EEFSEC: variants seen among roughly 807,000 people sequenced by gnomAD.
EEFSEC encodes eukaryotic elongation factor, selenocysteine-tRNA specific.
EEFSEC carries 43 observed loss-of-function variants against 42.1 expected under a neutral mutation model. That is an observed-to-expected ratio of 1.02 (90% CI 0.80 to 1.32). The LOEUF (loss-of-function observed/expected upper bound fraction) is 1.32. EEFSEC is among the 40% of genes most tolerant of loss of function. EEFSEC has a pLI of 0.00. For synonymous variants in EEFSEC, 354 were observed against 339.1 expected (o/e 1.04, Z -0.48); for missense variants, 745 against 803.6 (o/e 0.93, Z 0.88).
chr3:128,298,221 G>A (rs114075887), intron 4 of EEFSEC, among the ~76,000 whole-genome samples: 1,708 of 152,170 alleles, frequency 0.011, 23 homozygotes, highest in African/African-American at 0.039. Flanking sequence ...ATACAGTGGC[G>A]CCATCAGCCT....
chr3:128,383,745 G>A (rs1164685249), intron 6 of EEFSEC, among the ~76,000 whole-genome samples: 1 of 152,254 alleles, frequency 6.6e-6, no homozygotes, highest in Non-Finnish European at 1.5e-5. Context: ...ATAGGGCTGG[G>A]ACAGGAGGGG....
intron 6 of EEFSEC, among the ~76,000 whole-genome samples, chr3:128,365,740 A>G (rs1238462213): frequency 1.3e-5 from 2 of 152,116 alleles, no homozygotes; most frequent in African/African-American, 4.8e-5. Flanking sequence ...TTCACAGGAG[A>G]TTAACCAGCC....
intron 2 of EEFSEC, among the ~76,000 whole-genome samples, chr3:128,255,704 GAGA>G (rs2066234892): frequency 6.6e-6 from 1 of 152,220 alleles, no homozygotes; most frequent in Admixed American, 6.5e-5. Context: ...TTTGAAATAT[GAGA>G]AGAAGGAGAA....
the EEFSEC span, among the ~76,000 whole-genome samples, chr3:128,423,088 G>A: frequency 6.6e-6 from 1 of 152,184 alleles, no homozygotes; most frequent in Non-Finnish European, 1.5e-5. Context: ...ATTAATATTA[G>A]GACCACCTTC....
At chr3:128,166,913 C>G (rs2065247180) in intron 1 of EEFSEC, among the ~76,000 whole-genome samples, 1 of 152,130 alleles carries the variant, frequency 6.6e-6, no homozygotes, top group African/African-American at 2.4e-5. Context: ...CAACCCCCCG[C>G]AGAAGGTATA....
At chr3:128,324,352 T>C (rs1340809618) in intron 4 of EEFSEC, among the ~76,000 whole-genome samples, 1 of 152,154 alleles carries the variant, frequency 6.6e-6, no homozygotes, top group Non-Finnish European at 1.5e-5. Flanking sequence ...AGGGATTTAT[T>C]CTCCTCTGCC....
intron 6 of EEFSEC, among the ~76,000 whole-genome samples, chr3:128,394,813 G>A (rs994898990): frequency 3.3e-5 from 5 of 152,206 alleles, no homozygotes; most frequent in African/African-American, 9.7e-5. Flanking sequence ...GCAGGCTGGG[G>A]TGAGTCCTAG....
intron 4 of EEFSEC, among the ~76,000 whole-genome samples, chr3:128,287,696 A>G (rs969500342): frequency 6.6e-6 from 1 of 152,240 alleles, no homozygotes; most frequent in East Asian, 1.9e-4. Flanking sequence ...TTGGGTTACC[A>G]TCAGTTGGGG....
chr3:128,363,978 G>A (rs897697249), intron 6 of EEFSEC, among the ~76,000 whole-genome samples: 4 of 152,070 alleles, frequency 2.6e-5, no homozygotes, highest in Non-Finnish European at 5.9e-5. Context: ...AACAGAGCTT[G>A]GGGGAGGGCT....
chr3:128,337,498 G>A (rs1559927058), intron 4 of EEFSEC, among the ~76,000 whole-genome samples: 1 of 152,228 alleles, frequency 6.6e-6, no homozygotes, highest in African/African-American at 2.4e-5. Flanking sequence ...CTCTCTCACA[G>A]GAAGGCTCAT....
chr3:128,302,166 CGG>C (rs926801148), intron 4 of EEFSEC, among the ~76,000 whole-genome samples: 1 of 152,022 alleles, frequency 6.6e-6, no homozygotes, highest in Non-Finnish European at 1.5e-5. Context: ...CAAAGGCAGT[CGG>C]GGGTATGGGG....
At chr3:128,209,737 T>A (rs1318437833) in intron 1 of EEFSEC, among the ~76,000 whole-genome samples, 1 of 152,230 alleles carries the variant, frequency 6.6e-6, no homozygotes, top group Non-Finnish European at 1.5e-5. Context: ...ACCAAACAGT[T>A]GTCAAATTCT....
At chr3:128,347,409 G>A (rs1175152616) in intron 5 of EEFSEC, among the ~76,000 whole-genome samples, 1 of 152,190 alleles carries the variant, frequency 6.6e-6, no homozygotes, top group Non-Finnish European at 1.5e-5. Flanking sequence ...AGCATATGGT[G>A]ATAAGGGAAA....
intron 5 of EEFSEC, among the ~76,000 whole-genome samples, chr3:128,352,292 T>G (rs1463645260): frequency 6.6e-6 from 1 of 152,234 alleles, no homozygotes; most frequent in Non-Finnish European, 1.5e-5. Flanking sequence ...CTAGCCAGAC[T>G]TCCTTCTGAT....
chr3:128,225,031 G>A (rs1006023954), intron 1 of EEFSEC, among the ~76,000 whole-genome samples: 1 of 152,234 alleles, frequency 6.6e-6, no homozygotes, highest in African/African-American at 2.4e-5. Flanking sequence ...GTAGGGCGAA[G>A]CATGTAACCT....
intron 4 of EEFSEC, among the ~76,000 whole-genome samples, chr3:128,282,069 G>A (rs142438084): frequency 1.4e-3 from 213 of 152,312 alleles, no homozygotes; most frequent in African/African-American, 4.9e-3. Context: ...TGCTCCCCAC[G>A]TGCCCTTACA....
At chr3:128,392,655 G>A (rs1459313072) in intron 6 of EEFSEC, among the ~76,000 whole-genome samples, 1 of 152,208 alleles carries the variant, frequency 6.6e-6, no homozygotes, top group Non-Finnish European at 1.5e-5. Flanking sequence ...AGTGACAGGA[G>A]GCTGCCCCTC....
At chr3:128,229,849 C>T (rs888054906) in intron 1 of EEFSEC, among the ~76,000 whole-genome samples, 1 of 152,188 alleles carries the variant, frequency 6.6e-6, no homozygotes, top group African/African-American at 2.4e-5. Flanking sequence ...AAACGGTCCC[C>T]TCCAAATGGG....
chr3:128,160,605 C>G (rs1193541091), intron 1 of EEFSEC, among the ~76,000 whole-genome samples: 1 of 152,190 alleles, frequency 6.6e-6, no homozygotes, highest in Non-Finnish European at 1.5e-5. Context: ...CTAGCTGCAC[C>G]TGCACCTGGC....
Sources: allele counts gnomAD v4.1 joint callset (sites outside exome capture counted in the v4.1 genomes callset), GRCh38; gene constraint gnomAD v4.1.1; transcripts MANE v1.5; gene names NCBI Gene and HGNC (gene_info 2026-07-23, HGNC 2026-07-21).